MICAL2: variants seen among roughly 807,000 people sequenced by gnomAD.
The protein encoded by MICAL2 is [F-actin]-monooxygenase MICAL2.
Under a neutral mutation model 127.3 loss-of-function variants are expected in MICAL2, and 77 were observed. That is an observed-to-expected ratio of 0.60 (90% confidence interval 0.50 to 0.73). The LOEUF is 0.73. MICAL2 is among the 30% of genes least tolerant of loss of function. The pLI, the probability that MICAL2 is intolerant of heterozygous loss-of-function variation, is 0.00. For missense variants in MICAL2, 1,351 were observed against 1,434.4 expected (o/e 0.94, Z 0.94); for synonymous variants, 570 against 551.1 (o/e 1.03, Z -0.48).
At chr11:12,275,551 A>G (rs551289900), upstream of MICAL2, among the ~76,000 whole-genome samples, 1 of 152,314 alleles carries the variant, frequency 6.6e-6, no homozygotes, top group African/African-American at 2.4e-5. Context: ...TTGCCATCCT[A>G]GAAGCTGAGA....
At chr11:12,167,554 TC>T (rs1411200732) in intron 3 of MICAL2, among the ~76,000 whole-genome samples, 1 of 152,176 alleles carries the variant, frequency 6.6e-6, no homozygotes. Context: ...ACCTCTGAAG[TC>T]ATCCATCATG....
chr11:12,144,463 C>T (rs1852682268), intron 2 of MICAL2, among the ~76,000 whole-genome samples: 1 of 152,136 alleles, frequency 6.6e-6, no homozygotes, highest in Non-Finnish European at 1.5e-5. Flanking sequence ...GGTCAAGGCC[C>T]TTTCTGGGCC....
intron 21 of MICAL2, among the ~76,000 whole-genome samples, chr11:12,245,772 C>A (rs1860649838): frequency 6.6e-6 from 1 of 152,236 alleles, no homozygotes; most frequent in African/African-American, 2.4e-5. Context: ...GCATTTTTGT[C>A]ATCACCATCA....
chr11:12,335,259 A>AAG (rs1416220746), intron 32 of MICAL2, among the ~76,000 whole-genome samples: 2 of 152,020 alleles, frequency 1.3e-5, no homozygotes, highest in African/African-American at 4.8e-5. Flanking sequence ...TTCTTTTGAG[A>AAG]AGTGTCTCTT....
chr11:12,327,093 G>T (rs1477692041), intron 31 of MICAL2: 5 of 1,282,844 alleles, frequency 3.9e-6, no homozygotes, highest in Non-Finnish European at 4.4e-6. Flanking sequence ...TCTTTCTCCT[G>T]GAAAGTAAGT....
Position 12,209,556 on chromosome 11 carries a change from G to T in MICAL2, c.649G>T (p.Asp217Tyr). 1 of 1,614,212 alleles carries T rather than the reference G, an allele frequency of 6.2e-7. No homozygotes were observed. Among genetic ancestry groups the T allele is most frequent in the Non-Finnish European group, 8.5e-7 (1 of 1,180,030 alleles). The change falls in exon 6 of 28, where the codon GAC becomes TAC. Residue 217 changes from aspartate (D) to tyrosine (Y), a missense_variant. Asp to Tyr is a radical substitution (Grantham distance 160). This residue lies in a region of MICAL2 where 599 missense variants were observed against 714.9 expected (regional missense o/e 0.84). Transcript: ENST00000683283. Reference protein sequence around the residue: ...TDHSLSEFEFDVIIGADGRRN... With the variant: ...TDHSLSEFEFYVIIGADGRRN... The stretch of plus-strand genomic sequence containing the variant: ...CCATTCTCTGTCGGAGTTTGAGTTT[G>T]ACGTCATCATTGGTGCCGATGGCCG...
intron 1 of MICAL2, among the ~76,000 whole-genome samples, chr11:12,112,926 C>T (rs1849715940): frequency 6.6e-6 from 1 of 152,136 alleles, no homozygotes; most frequent in Non-Finnish European, 1.5e-5. Flanking sequence ...TTTCTGTTCT[C>T]TCCACCCACA....
chr11:12,323,693 C>T (rs1864325314), intron 30 of MICAL2, among the ~76,000 whole-genome samples: 1 of 152,200 alleles, frequency 6.6e-6, no homozygotes, highest in East Asian at 1.9e-4. Context: ...CTTAAGTTTA[C>T]ATTTAAATTC....
chr11:12,167,458 G>T (rs1400158771), intron 3 of MICAL2, among the ~76,000 whole-genome samples: 1 of 152,140 alleles, frequency 6.6e-6, no homozygotes, highest in Non-Finnish European at 1.5e-5. Flanking sequence ...GCGAGGCAGG[G>T]TGCAAGGATG....
intron 2 of MICAL2, among the ~76,000 whole-genome samples, chr11:12,284,966 T>G (rs963491144): frequency 6.6e-6 from 1 of 152,186 alleles, no homozygotes; most frequent in African/African-American, 2.4e-5. Flanking sequence ...ACAGGGGAAT[T>G]GCGATAGAAA....
intron 32 of MICAL2, among the ~76,000 whole-genome samples, chr11:12,345,116 C>CAAA (rs796748173): frequency 9.0e-6 from 1 of 110,544 alleles, no homozygotes; most frequent in African/African-American, 3.5e-5. Context: ...GAATCCATCT[C>CAAA]AAAAAAAAAA....
intron 4 of MICAL2, 111 bp downstream of exon 4, chr11:12,204,568 C>T (rs1056781629): frequency 2.2e-5 from 23 of 1,036,700 alleles, no homozygotes; most frequent in African/African-American, 3.2e-5. Context: ...TCCCTGGGGG[C>T]ACCATATATC....
rs144708456 is a variant in MICAL2, at chr11:12,256,945, C to T, written c.3116C>T (p.Ala1039Val). 2.0e-5 allele frequency: 32 copies of T among 1,613,640 alleles called. No individual in the cohort carries two copies. In the African/African-American group the frequency reaches 3.5e-4, roughly 17 times the overall value. Reference sequence around the variant, plus strand: ...ATCTGTGCCACCACCTTGCGCCTGGCCGCCTACACCTTTGACTGCGATGAA... The same window carrying T: ...ATCTGTGCCACCACCTTGCGCCTGGTCGCCTACACCTTTGACTGCGATGAA... ...CSICATTLRL[A>V]AYTFDCDEGK... The change falls in exon 24 of 28, where the codon GCC becomes GTC. Residue 1039 changes from alanine to valine, a missense_variant. Physicochemically the swap from Ala to Val is moderately conservative, Grantham distance 64 (BLOSUM62 0). This residue lies in a region of MICAL2 where 752 missense variants were observed against 719.4 expected (regional missense o/e 1.05). Transcript: ENST00000683283.
chr11:12,128,141 A>G (rs1020281762), intron 1 of MICAL2, among the ~76,000 whole-genome samples: 1 of 152,256 alleles, frequency 6.6e-6, no homozygotes, highest in Non-Finnish European at 1.5e-5. Context: ...GGCGCTTTTC[A>G]GGATTAAATG....
chr11:12,129,978 G>T (rs2133544037), intron 1 of MICAL2, among the ~76,000 whole-genome samples: 1 of 152,290 alleles, frequency 6.6e-6, no homozygotes, highest in Non-Finnish European at 1.5e-5. Flanking sequence ...CTCCCAAAGT[G>T]CTGGGATTAC....
intron 26 of MICAL2, chr11:12,261,307 A>C (rs1590698821): frequency 1.0e-6 from 1 of 985,516 alleles, no homozygotes; most frequent in Non-Finnish European, 1.2e-6. Flanking sequence ...CTCCAGGGGA[A>C]GCTCTACCAT....
chr11:12,284,073 C>T (rs1339777735), intron 2 of MICAL2, among the ~76,000 whole-genome samples: 5 of 152,094 alleles, frequency 3.3e-5, no homozygotes, highest in East Asian at 1.9e-4. Context: ...TTGTGGAAGG[C>T]CTTCCTAGAT....
chr11:12,349,976 C>T (rs774359803), intron 33 of MICAL2: 7 of 1,541,920 alleles, frequency 4.5e-6, no homozygotes, highest in South Asian at 3.4e-5. Flanking sequence ...GTCCTAAAAG[C>T]AAAGGGGCAA....
At chr11:12,339,352 T>A (rs1055425326) in intron 32 of MICAL2, among the ~76,000 whole-genome samples, 4 of 152,316 alleles carry the variant, frequency 2.6e-5, no homozygotes, top group Non-Finnish European at 5.9e-5. Flanking sequence ...GCCATTCATC[T>A]AATTTTTTTT....
Sources: gnomAD v4.1 joint callset for allele counts (sites outside exome capture counted in the v4.1 genomes callset) on GRCh38, gnomAD v4.1.1 for gene constraint, gnomAD v4.1.1 regional missense constraint, MANE v1.5 for transcripts, NCBI Gene and HGNC (gene_info 2026-07-23, HGNC 2026-07-21) for gene names.